ATXN7L1: variants seen among roughly 807,000 people sequenced by gnomAD.
ATXN7L1 encodes ataxin-7-like protein 1.
Under a neutral mutation model 70.8 loss-of-function variants are expected in ATXN7L1, and 15 were observed. That is an observed-to-expected ratio of 0.21 (90% confidence interval 0.14 to 0.33). ATXN7L1 has a LOEUF of 0.33. Among genes scored for constraint, ATXN7L1 ranks in the 10% least tolerant of loss-of-function variants. The probability of loss-of-function intolerance (pLI) is 1.00; values close to 1 mark genes in which losing one functional copy is unlikely to be tolerated. For synonymous variants in ATXN7L1, 440 were observed against 445.1 expected, an observed-to-expected ratio of 0.99 and a Z score of 0.14; for missense variants, 975 against 1,097.1, an observed-to-expected ratio of 0.89 and a Z score of 1.57.
intron 2 of ATXN7L1, among the ~76,000 whole-genome samples, chr7:105,810,092 A>AGTTTCTG (rs1808214561): frequency 6.6e-6 from 1 of 152,238 alleles, no homozygotes; most frequent in African/African-American, 2.4e-5. Context: ...TCTCTTGAAC[A>AGTTTCTG]TAACACCATG....
intron 3 of ATXN7L1, chr7:105,761,555 T>C: frequency 6.6e-7 from 1 of 1,508,358 alleles, no homozygotes; most frequent in Non-Finnish European, 9.0e-7. Context: ...CTCATGCCAA[T>C]TGCCATGTTT....
At chr7:105,635,709 A>G (rs982684488) in intron 7 of ATXN7L1, among the ~76,000 whole-genome samples, 31 of 152,348 alleles carry the variant, frequency 2.0e-4, no homozygotes, top group Middle Eastern at 3.4e-3. Context: ...GTTGCAATGT[A>G]AGAATATGAG....
intron 3 of ATXN7L1, among the ~76,000 whole-genome samples, chr7:105,678,896 A>T (rs1461958160): frequency 6.6e-6 from 1 of 152,198 alleles, no homozygotes; most frequent in Non-Finnish European, 1.5e-5. Context: ...CTCCAGCTCC[A>T]GCCCACAGCC....
intron 3 of ATXN7L1, among the ~76,000 whole-genome samples, chr7:105,725,138 T>C (rs1584841071): frequency 6.6e-6 from 1 of 152,184 alleles, no homozygotes; most frequent in Non-Finnish European, 1.5e-5. Flanking sequence ...CCTATCTTTT[T>C]GGGAAGACAC....
chr7:105,790,144 T>C lies in ATXN7L1; in HGVS notation c.251-1436A>G, dbSNP rs570524086. ...AAGGAGGTAAGTGCTTGCCTTGGGT[T>C]GGGGGGCCTGGAGGAATTCGAGGGT... On this transcript the variant is annotated intron_variant, in intron 2 of 11. Coordinates refer to ENST00000419735, the MANE Select transcript of ATXN7L1 (RefSeq NM_020725.2). 7.2e-5 allele frequency among the ~76,000 whole-genome samples: 11 copies of C among 152,286 alleles called. No homozygotes were observed. The South Asian group carries it at 2.3e-3, about 32-fold the overall frequency.
intron 2 of ATXN7L1, among the ~76,000 whole-genome samples, chr7:105,805,601 C>T (rs1338857435): frequency 6.6e-6 from 1 of 152,244 alleles, no homozygotes; most frequent in Non-Finnish European, 1.5e-5. Context: ...GCGAGACTCA[C>T]AAGCCCACAG....
intron 3 of ATXN7L1, among the ~76,000 whole-genome samples, chr7:105,670,970 G>GTGGC (rs1391433462): frequency 6.6e-6 from 1 of 152,072 alleles, no homozygotes; most frequent in East Asian, 1.9e-4. Flanking sequence ...GCCCGGCGAG[G>GTGGC]TGGCGGGCGC....
At chr7:105,798,602 T>A (rs1449732789) in intron 2 of ATXN7L1, among the ~76,000 whole-genome samples, 1 of 152,240 alleles carries the variant, frequency 6.6e-6, no homozygotes, top group Non-Finnish European at 1.5e-5. Flanking sequence ...TGCCTTAGGC[T>A]CATGCATATC....
chr7:105,631,221 T>A (rs1721477), intron 7 of ATXN7L1, among the ~76,000 whole-genome samples: 16,647 of 152,070 alleles, frequency 0.11, 1,222 homozygotes, highest in East Asian at 0.24. Context: ...GATTTTAACA[T>A]TAAGAAAACA....
chr7:105,616,643 G>T (rs1033662769), intron 9 of ATXN7L1, among the ~76,000 whole-genome samples: 1 of 152,220 alleles, frequency 6.6e-6, no homozygotes, highest in African/African-American at 2.4e-5. Flanking sequence ...GTGGATGGGT[G>T]AGCAGGTGGA....
chr7:105,687,232 C>G (rs962171365), intron 3 of ATXN7L1, among the ~76,000 whole-genome samples: 1 of 152,226 alleles, frequency 6.6e-6, no homozygotes, highest in African/African-American at 2.4e-5. Context: ...ATCTGTACCC[C>G]ATGGAGGTTC....
intron 4 of ATXN7L1, among the ~76,000 whole-genome samples, chr7:105,662,078 C>T (rs1357556116): frequency 0.03 from 2,586 of 86,004 alleles, 67 homozygotes; most frequent in South Asian, 0.055. Flanking sequence ...TTCCTTCCTT[C>T]CTTCTTTCTT....
At chr7:105,645,399 C>T (rs1170756574) in intron 4 of ATXN7L1, among the ~76,000 whole-genome samples, 1 of 152,172 alleles carries the variant, frequency 6.6e-6, no homozygotes, top group Non-Finnish European at 1.5e-5. Flanking sequence ...CAGTGGCTCA[C>T]ACCTGTAATC....
chr7:105,873,135 CAGAGCA>C (rs1292928204), intron 2 of ATXN7L1, among the ~76,000 whole-genome samples: 1 of 149,646 alleles, frequency 6.7e-6, no homozygotes, highest in Non-Finnish European at 1.5e-5. Flanking sequence ...GCCTGGGCGG[CAGAGCA>C]AGACTCCGTC....
At chr7:105,744,114 C>A (rs12532552) in intron 3 of ATXN7L1, among the ~76,000 whole-genome samples, 37,766 of 151,926 alleles carry the variant, frequency 0.25, 4,949 homozygotes, top group East Asian at 0.32. Flanking sequence ...AAAACAGAAA[C>A]ATCATCACCT....
intron 3 of ATXN7L1, among the ~76,000 whole-genome samples, chr7:105,689,649 C>A (rs115159130): frequency 6.6e-6 from 1 of 152,162 alleles, no homozygotes; most frequent in Non-Finnish European, 1.5e-5. Flanking sequence ...ACCAGACATA[C>A]GGAGGAGGCA....
At chr7:105,776,504 A>C (rs868187700) in intron 3 of ATXN7L1, among the ~76,000 whole-genome samples, 3 of 146,460 alleles carry the variant, frequency 2.0e-5, no homozygotes, top group East Asian at 2.0e-4. Flanking sequence ...CCCCCCCCCC[A>C]AAACAAACAA....
intron 2 of ATXN7L1, among the ~76,000 whole-genome samples, chr7:105,873,995 C>T (rs1818653596): frequency 1.3e-5 from 2 of 151,794 alleles, no homozygotes; most frequent in East Asian, 1.9e-4. Flanking sequence ...TGTGGTGGCA[C>T]GTGCCTGTAG....
Position 105,715,250 on chromosome 7 carries a change from G to T in ATXN7L1, c.356-49962C>A, listed in dbSNP as rs377667883. Reference sequence around the variant, plus strand: ...TACAAGCTTGGAAACTTTGGGCAAAGAACTTAACTTCTCTGAGCCTCACCT... The same window carrying T: ...TACAAGCTTGGAAACTTTGGGCAAATAACTTAACTTCTCTGAGCCTCACCT... On this transcript the variant is annotated intron_variant, in intron 3 of 11. Coordinates refer to ENST00000419735, the MANE Select transcript of ATXN7L1 (RefSeq NM_020725.2). Among the ~76,000 whole-genome samples, 8 of 152,332 alleles carry T rather than the reference G, an allele frequency of 5.3e-5. No individual in the cohort carries two copies. The East Asian group carries it at 1.2e-3, about 22-fold the overall frequency.
Sources: gnomAD v4.1 joint callset for allele counts (sites outside exome capture counted in the v4.1 genomes callset) on GRCh38, gnomAD v4.1.1 for gene constraint, MANE v1.5 for transcripts, NCBI Gene and HGNC (gene_info 2026-07-23, HGNC 2026-07-21) for gene names.